Variants in LARGE1 observed in about 807,000 individuals in gnomAD.
LARGE1 encodes the protein xylosyl- and glucuronyltransferase LARGE1.
A neutral mutation model predicts 87.6 loss-of-function variants in LARGE1; 43 were observed. That is an observed-to-expected ratio of 0.49 (90% CI 0.38 to 0.63). LARGE1 has a LOEUF of 0.63. Among genes scored for constraint, LARGE1 ranks in the 30% least tolerant of loss-of-function variants. The pLI, the probability that LARGE1 is intolerant of heterozygous loss-of-function variation, is 0.00. For synonymous variants in LARGE1, 434 were observed against 394.6 expected (o/e 1.10, Z -1.18); for missense variants, 802 against 1,000.2 (o/e 0.80, Z 2.67).
chr22:33,670,073 G>A (rs1410685153), intron 2 of LARGE1, among the ~76,000 whole-genome samples: 2 of 152,232 alleles, frequency 1.3e-5, no homozygotes, highest in East Asian at 3.9e-4. Context: ...AATGAAAGGA[G>A]CCCTGTACTT....
the LARGE1 span, among the ~76,000 whole-genome samples, chr22:33,149,048 T>C: frequency 6.9e-6 from 1 of 145,772 alleles, no homozygotes; most frequent in African/African-American, 2.5e-5. Context: ...TTCTTTTTTT[T>C]TTTTTTTGAG....
intron 2 of LARGE1, among the ~76,000 whole-genome samples, chr22:33,663,363 T>A (rs2081185018): frequency 6.6e-6 from 1 of 152,228 alleles, no homozygotes; most frequent in African/African-American, 2.4e-5. Flanking sequence ...AGAGTTTTTA[T>A]AAGGTGCTTC....
intron 7 of LARGE1, among the ~76,000 whole-genome samples, chr22:33,414,363 T>G (rs2066413956): frequency 6.6e-6 from 1 of 152,006 alleles, no homozygotes; most frequent in East Asian, 1.9e-4. Context: ...ATATGAAATA[T>G]AACAGAAAAT....
intron 2 of LARGE1, among the ~76,000 whole-genome samples, chr22:33,679,460 A>G: frequency 6.7e-6 from 1 of 150,236 alleles, no homozygotes; most frequent in Non-Finnish European, 1.5e-5. Flanking sequence ...GGGGACAGAC[A>G]CACACACGCA....
intron 6 of LARGE1, among the ~76,000 whole-genome samples, chr22:33,436,019 G>C (rs1327199437): frequency 6.6e-6 from 1 of 152,234 alleles, no homozygotes; most frequent in African/African-American, 2.4e-5. Flanking sequence ...ACGGTGTTGA[G>C]TTTTGCTTTC....
chr22:33,380,326 G>A (rs2065118460), intron 9 of LARGE1, among the ~76,000 whole-genome samples: 1 of 152,156 alleles, frequency 6.6e-6, no homozygotes, highest in Non-Finnish European at 1.5e-5. Context: ...AGGAATGAAT[G>A]TTGCAGGCAC....
intron 1 of LARGE1, among the ~76,000 whole-genome samples, chr22:33,893,608 C>T (rs1027191672): frequency 2.0e-5 from 3 of 152,198 alleles, no homozygotes; most frequent in Non-Finnish European, 4.4e-5. Context: ...CCAAGTTTTT[C>T]ACCTCCCGAA....
At chr22:33,364,345 C>G (rs2064506068) in intron 9 of LARGE1, among the ~76,000 whole-genome samples, 1 of 152,210 alleles carries the variant, frequency 6.6e-6, no homozygotes, top group Admixed American at 6.5e-5. Context: ...GCGTGAGCCA[C>G]TGTGTCCGGC....
intron 10 of LARGE1, among the ~76,000 whole-genome samples, chr22:33,320,383 C>T (rs1286536956): frequency 2.0e-5 from 3 of 152,316 alleles, no homozygotes; most frequent in Admixed American, 1.3e-4. Flanking sequence ...CCAGATGGCA[C>T]CTGCTCTGTG....
chr22:33,533,947 C>CT, intron 6 of LARGE1, among the ~76,000 whole-genome samples: 1 of 148,200 alleles, frequency 6.7e-6, no homozygotes, highest in East Asian at 2.0e-4. Flanking sequence ...CTATCCATTT[C>CT]TTTATTTTTT....
At chr22:33,647,905 G>A (rs1306461770) in intron 3 of LARGE1, among the ~76,000 whole-genome samples, 4 of 151,964 alleles carry the variant, frequency 2.6e-5, no homozygotes, top group East Asian at 1.9e-4. Context: ...CTACAGATGC[G>A]CGCCACCACA....
rs2062689424 is a variant in LARGE1, at chr22:33,823,234, A to G, written c.-82-61676T>C. Among the ~76,000 whole-genome samples the G allele has an allele frequency of 2.0e-5, 3 of 152,210 alleles. No individual in the cohort carries two copies. In the South Asian group the frequency reaches 6.2e-4, roughly 31 times the overall value. On this transcript the variant is annotated intron_variant, in intron 1 of 14. Coordinates refer to ENST00000397394, the MANE Select transcript of LARGE1 (RefSeq NM_133642.5). ...AGCTTCAACACAGACCATAGCACAT[A>G]CCTTGGCTGCCCAAAGGCTGTGTGT...
intron 1 of LARGE1, among the ~76,000 whole-genome samples, chr22:33,845,686 T>C (rs1486368602): frequency 5.9e-5 from 9 of 152,144 alleles, no homozygotes. Flanking sequence ...AACATTTGTA[T>C]TATGAAAAAT....
chr22:33,567,586 A>G (rs568057484), intron 5 of LARGE1, among the ~76,000 whole-genome samples: 114 of 152,314 alleles, frequency 7.5e-4, no homozygotes, highest in Non-Finnish European at 1.3e-3. Flanking sequence ...TCTGCTATTT[A>G]TAAAGGTCAT....
intron 1 of LARGE1, among the ~76,000 whole-genome samples, chr22:33,879,811 G>A (rs1012799871): frequency 3.4e-4 from 51 of 152,214 alleles, no homozygotes; most frequent in Admixed American, 2.4e-3. Context: ...CAAAGAAGAG[G>A]CTATGCCTAA....
chr22:33,155,887 C>T, the LARGE1 span, among the ~76,000 whole-genome samples: 4 of 152,134 alleles, frequency 2.6e-5, no homozygotes, highest in Non-Finnish European at 5.9e-5. Context: ...GAACTTGGTG[C>T]CTTGCATCCC....
intron 1 of LARGE1, among the ~76,000 whole-genome samples, chr22:33,867,736 C>T (rs1043971775): frequency 1.3e-5 from 2 of 152,170 alleles, no homozygotes; most frequent in African/African-American, 4.8e-5. Flanking sequence ...TAGTCCCGAT[C>T]GCTCCTTTTT....
intron 1 of LARGE1, among the ~76,000 whole-genome samples, chr22:33,913,539 T>G (rs556653445): frequency 4.6e-5 from 7 of 152,248 alleles, no homozygotes; most frequent in Admixed American, 4.6e-4. Context: ...TCTTTGGTGT[T>G]TTTTTTGTTT....
intron 6 of LARGE1, among the ~76,000 whole-genome samples, chr22:33,557,804 T>A (rs2077737098): frequency 6.6e-6 from 1 of 152,158 alleles, no homozygotes; most frequent in African/African-American, 2.4e-5. Context: ...TGACCTCAGG[T>A]GATCCACCCG....
Sources: gnomAD v4.1 joint callset for allele counts (sites outside exome capture counted in the v4.1 genomes callset) on GRCh38, gnomAD v4.1.1 for gene constraint, MANE v1.5 for transcripts, NCBI Gene and HGNC (gene_info 2026-07-23, HGNC 2026-07-21) for gene names.